SLC24A2: variants seen among roughly 807,000 people sequenced by gnomAD.
SLC24A2 encodes sodium/potassium/calcium exchanger 2.
A neutral mutation model predicts 62.0 loss-of-function variants in SLC24A2; 36 were observed. That is an observed-to-expected ratio of 0.58 (90% CI 0.44 to 0.77). The LOEUF is 0.77. Among genes scored for constraint, SLC24A2 ranks in the 30% least tolerant of loss-of-function variants. SLC24A2 has a pLI of 0.00. For missense variants in SLC24A2, 846 were observed against 817.9 expected (o/e 1.03, Z -0.42); for synonymous variants, 358 against 294.0 (o/e 1.22, Z -2.23).
chr9:20,254,278 G>A, the SLC24A2 span, among the ~76,000 whole-genome samples: 2 of 152,134 alleles, frequency 1.3e-5, no homozygotes, highest in East Asian at 1.9e-4. Context: ...TCTTAGGGAG[G>A]GTGAGACTCC....
the SLC24A2 span, among the ~76,000 whole-genome samples, chr9:19,932,456 C>G: frequency 9.7e-4 from 148 of 152,296 alleles, no homozygotes; most frequent in South Asian, 4.6e-3. Context: ...GCTAATGAAG[C>G]AGCTGTAGCC....
At chr9:19,919,727 C>T in the SLC24A2 span, among the ~76,000 whole-genome samples, 1 of 152,128 alleles carries the variant, frequency 6.6e-6, no homozygotes, top group East Asian at 1.9e-4. Flanking sequence ...GAAGGGGAAG[C>T]AAATATGTCC....
the SLC24A2 span, among the ~76,000 whole-genome samples, chr9:19,823,722 T>C: frequency 6.6e-6 from 1 of 152,080 alleles, no homozygotes; most frequent in East Asian, 1.9e-4. Context: ...AACACAGTCC[T>C]AAGCAAAAAG....
chr9:19,789,338 T>C (rs573851184), upstream of SLC24A2, among the ~76,000 whole-genome samples: 15 of 152,364 alleles, frequency 9.8e-5, no homozygotes, highest in African/African-American at 3.4e-4. Context: ...GGTCATCTTA[T>C]GCTGGGCACC....
the SLC24A2 span, among the ~76,000 whole-genome samples, chr9:20,288,741 CAAAAAAAA>C: frequency 0.29 from 22,805 of 79,332 alleles, 2,278 homozygotes; most frequent in East Asian, 0.43. Flanking sequence ...GACTCTGTCT[CAAAAAAAA>C]AAAAAAAAAA....
chr9:19,567,125 TAAAAGA>T (rs1835686087), intron 7 of SLC24A2, among the ~76,000 whole-genome samples: 2 of 137,246 alleles, frequency 1.5e-5, no homozygotes, highest in African/African-American at 5.4e-5. Flanking sequence ...AATATATATA[TAAAAGA>T]ACTTAAAGTA....
chr9:20,124,843 G>A, the SLC24A2 span, among the ~76,000 whole-genome samples: 1 of 152,316 alleles, frequency 6.6e-6, no homozygotes, highest in South Asian at 2.1e-4. Context: ...AGAAAACAGA[G>A]GGTAAGAATA....
the SLC24A2 span, among the ~76,000 whole-genome samples, chr9:19,848,195 C>T: frequency 1.3e-5 from 2 of 152,142 alleles, no homozygotes; most frequent in African/African-American, 4.8e-5. Context: ...TTTTAGCTTT[C>T]ACCAACCAAA....
chr9:19,796,707 T>A, the SLC24A2 span, among the ~76,000 whole-genome samples: 2 of 152,246 alleles, frequency 1.3e-5, no homozygotes, highest in African/African-American at 4.8e-5. Flanking sequence ...GTATTTGACA[T>A]TTCATTATTT....
the SLC24A2 span, among the ~76,000 whole-genome samples, chr9:20,019,219 G>C: frequency 9.3e-6 from 1 of 108,004 alleles, no homozygotes; most frequent in African/African-American, 3.1e-5. Context: ...AAGAAAGAAA[G>C]ACAGAAAGAA....
chr9:19,928,487 A>C, the SLC24A2 span: 1 of 152,232 alleles, frequency 6.6e-6, no homozygotes, highest in Admixed American at 6.5e-5. Flanking sequence ...AAAGTCACTC[A>C]ATCCCTCTGA....
At chr9:20,040,863 G>A in the SLC24A2 span, among the ~76,000 whole-genome samples, 2 of 152,192 alleles carry the variant, frequency 1.3e-5, no homozygotes, top group Non-Finnish European at 2.9e-5. Flanking sequence ...CCTAAGAGTT[G>A]AGCCGTTTGT....
chr9:19,562,789 T>TAATA (rs974305199), intron 7 of SLC24A2, among the ~76,000 whole-genome samples: 3 of 152,210 alleles, frequency 2.0e-5, no homozygotes, highest in Admixed American at 1.3e-4. Flanking sequence ...GTCATAGTTC[T>TAATA]AATACTGTTC....
the SLC24A2 span, among the ~76,000 whole-genome samples, chr9:19,883,329 T>C: frequency 2.0e-5 from 3 of 152,314 alleles, no homozygotes; most frequent in South Asian, 6.2e-4. Flanking sequence ...TACATACAGG[T>C]GCAATAAATG....
intron 7 of SLC24A2, among the ~76,000 whole-genome samples, chr9:19,567,807 C>T (rs547839093): frequency 2.0e-5 from 3 of 151,748 alleles, no homozygotes; most frequent in Non-Finnish European, 2.9e-5. Flanking sequence ...AGCTAGTGAT[C>T]GCTCAGCCAT....
chr9:20,240,073 T>C, the SLC24A2 span, among the ~76,000 whole-genome samples: 1 of 152,048 alleles, frequency 6.6e-6, no homozygotes, highest in East Asian at 1.9e-4. Flanking sequence ...TTCTGGCCCA[T>C]GAACTGATGT....
At chr9:19,997,179 G>A in the SLC24A2 span, among the ~76,000 whole-genome samples, 124 of 152,230 alleles carry the variant, frequency 8.1e-4, no homozygotes, top group African/African-American at 2.8e-3. Context: ...CAATTTTACT[G>A]TTTCTTCTTA....
chr9:19,830,271 G>A, the SLC24A2 span, among the ~76,000 whole-genome samples: 1 of 150,600 alleles, frequency 6.6e-6, no homozygotes, highest in African/African-American at 2.5e-5. Flanking sequence ...CTTGCCCCAA[G>A]GAAAGTAAGT....
intron 2 of SLC24A2, among the ~76,000 whole-genome samples, chr9:19,678,759 A>ATGTCTGGAATGAAGAGACTGCCTATC (rs1819628765): frequency 6.6e-6 from 1 of 152,166 alleles, no homozygotes; most frequent in Admixed American, 6.6e-5. Context: ...CCTCTACAAA[A>ATGTCTGGAATGAAGAGACTGCCTATC]TGTCTGGAAT....
Sources: gnomAD v4.1 joint callset for allele counts (sites outside exome capture counted in the v4.1 genomes callset) on GRCh38, gnomAD v4.1.1 for gene constraint, MANE v1.5 for transcripts, NCBI Gene and HGNC (gene_info 2026-07-23, HGNC 2026-07-21) for gene names.